The following IGFBP7 variants were observed in gnomAD, a reference collection of about 807,000 sequenced individuals.
The protein encoded by IGFBP7 is insulin like growth factor binding protein 7.
IGFBP7 carries 31 observed loss-of-function variants against 29.4 expected under a neutral mutation model. The observed-to-expected ratio is 1.05, with a 90% CI of 0.79 to 1.42. The LOEUF (loss-of-function observed/expected upper bound fraction) is 1.42. Among genes scored for constraint, IGFBP7 ranks in the 40% most tolerant of loss-of-function variants. The probability of loss-of-function intolerance (pLI) is 0.00; values close to 1 mark genes in which losing one functional copy is unlikely to be tolerated. For synonymous variants in IGFBP7, 172 were observed against 174.9 expected (o/e 0.98, Z 0.13); for missense variants, 393 against 395.5 (o/e 0.99, Z 0.05).
At chr4:57,087,750 A>G (rs138691504) in intron 1 of IGFBP7, among the ~76,000 whole-genome samples, 11 of 152,354 alleles carry the variant, frequency 7.2e-5, no homozygotes, top group Admixed American at 2.0e-4. Flanking sequence ...GTTTATTTCC[A>G]TAACCCTAAC....
intron 1 of IGFBP7, among the ~76,000 whole-genome samples, chr4:57,073,459 G>C (rs2109778314): frequency 6.6e-6 from 1 of 152,120 alleles, no homozygotes; most frequent in South Asian, 2.1e-4. Flanking sequence ...GCTGGGCATG[G>C]TGGTGTGTGC....
At position 57,033,122 on chromosome 4, in the gene IGFBP7, G is replaced by T. The variant is rs1050041683; in HGVS notation, c.702+73C>A. Reference sequence around the variant, plus strand: ...CACCTTTAGGCTGGCGGTACATCAGGCACCTTTGCCAGGTCTGCTTATGTC... The same window carrying T: ...CACCTTTAGGCTGGCGGTACATCAGTCACCTTTGCCAGGTCTGCTTATGTC... On this transcript the variant is annotated intron_variant, in intron 3 of 4. Transcript: ENST00000295666. The T allele has an allele frequency of 2.9e-6, 3 of 1,028,414 alleles. No homozygotes were observed. Among genetic ancestry groups the T allele is most frequent in the African/African-American group, 3.1e-5 (2 of 63,778 alleles). 63.7% of individuals were successfully genotyped at this position (1,028,414 alleles called of 1,614,324 possible).
intron 1 of IGFBP7, among the ~76,000 whole-genome samples, chr4:57,108,090 A>G (rs1726079962): frequency 6.6e-6 from 1 of 152,240 alleles, no homozygotes; most frequent in Non-Finnish European, 1.5e-5. Context: ...TCTTTTCATG[A>G]TGTGACCGAC....
Sources: allele counts gnomAD v4.1 joint callset (sites outside exome capture counted in the v4.1 genomes callset), GRCh38; gene constraint gnomAD v4.1.1; transcripts MANE v1.5; gene names NCBI Gene and HGNC (gene_info 2026-07-23, HGNC 2026-07-21).